The following DNAH8 variants were observed in gnomAD, a reference collection of about 807,000 sequenced individuals.
The protein encoded by DNAH8 is axonemal beta dynein heavy chain 8.
Under a neutral mutation model 562.1 loss-of-function variants are expected in DNAH8, and 382 were observed. The observed-to-expected ratio is 0.68, with a 90% CI of 0.63 to 0.74. DNAH8 has a LOEUF of 0.74. Among genes scored for constraint, DNAH8 ranks in the 30% least tolerant of loss-of-function variants. The probability of loss-of-function intolerance (pLI) is 0.00; values close to 1 mark genes in which losing one functional copy is unlikely to be tolerated. For synonymous variants in DNAH8, 1,881 were observed against 1,919.4 expected, an observed-to-expected ratio of 0.98 and a Z score of 0.52; for missense variants, 5,203 against 5,620.4, an observed-to-expected ratio of 0.93 and a Z score of 2.37.
Position 38,896,268 on chromosome 6 carries a change from C to A in DNAH8, c.8940+43C>A, listed in dbSNP as rs1245239696. On this transcript the variant is annotated intron_variant, in intron 60 of 92. Coordinates refer to ENST00000327475, the MANE Select transcript of DNAH8 (RefSeq NM_001206927.2). Reference sequence around the variant, plus strand: ...TTAAAAGAGGTTTTCAGATTGCTCACCTGACTAGATCTTTCTCTCTGCACC... The same window carrying A: ...TTAAAAGAGGTTTTCAGATTGCTCAACTGACTAGATCTTTCTCTCTGCACC... The A allele has an allele frequency of 3.4e-6, 5 of 1,490,680 alleles. No homozygotes were observed. The African/African-American group carries it at 6.9e-5, about 21-fold the overall frequency. The allele number at this position is 1,490,680 out of a possible 1,614,324, so 92.3% of individuals were successfully genotyped here.
At chr6:38,818,667 G>A (rs915406461) in intron 26 of DNAH8, among the ~76,000 whole-genome samples, 2 of 152,158 alleles carry the variant, frequency 1.3e-5, no homozygotes, top group Non-Finnish European at 2.9e-5. Flanking sequence ...AGCATAGAGG[G>A]CAACCAGTGT....
chr6:38,896,062 T>C lies in DNAH8; in HGVS notation c.8777T>C (p.Phe2926Ser). The C allele has an allele frequency of 6.2e-7, 1 of 1,613,824 alleles. No homozygotes were observed. ...RFITPEDEQW[F>S]NAHLTRAVEE... ...ATAACTCCTGAAGATGAGCAGTGGTTTAATGCACATCTTACTCGTGCAGTT... is the reference window on the plus strand; with the variant it reads ...ATAACTCCTGAAGATGAGCAGTGGTCTAATGCACATCTTACTCGTGCAGTT... Residue 2926 changes from phenylalanine to serine, a missense_variant, in exon 60 of 93, where the codon TTT becomes TCT. Phe to Ser is a radical substitution (Grantham distance 155). This residue lies in a region of DNAH8 where 977 missense variants were observed against 1,061.8 expected (regional missense o/e 0.92). Coordinates refer to ENST00000327475, the MANE Select transcript of DNAH8 (RefSeq NM_001206927.2).
chr6:38,849,945 T>C (rs540983705), intron 37 of DNAH8, among the ~76,000 whole-genome samples: 1 of 152,270 alleles, frequency 6.6e-6, no homozygotes, highest in Non-Finnish European at 1.5e-5. Flanking sequence ...AAACACTAGA[T>C]TGGAACTTTA....
At chr6:39,029,247 A>ACTT (rs1224507166) in intron 92 of DNAH8, among the ~76,000 whole-genome samples, 2 of 151,934 alleles carry the variant, frequency 1.3e-5, no homozygotes, top group African/African-American at 4.8e-5. Flanking sequence ...TTGTAGTGTT[A>ACTT]CTTCTGCCTG....
At chr6:38,917,825 A>T (rs1479805676) in intron 69 of DNAH8, 100 bp from the exon 70 acceptor site, 3 of 874,854 alleles carry the variant, frequency 3.4e-6, no homozygotes, top group East Asian at 2.6e-5. Flanking sequence ...AGAGCAAATC[A>T]TCTATTACTT....
At chr6:38,746,424 C>T (rs1764934801) in intron 8 of DNAH8, among the ~76,000 whole-genome samples, 1 of 152,138 alleles carries the variant, frequency 6.6e-6, no homozygotes, top group South Asian at 2.1e-4. Context: ...CTGGGATCAG[C>T]ACTTCTCCAA....
At chr6:38,767,483 T>G (rs1767133195) in intron 11 of DNAH8, among the ~76,000 whole-genome samples, 1 of 151,988 alleles carries the variant, frequency 6.6e-6, no homozygotes, top group Non-Finnish European at 1.5e-5. Flanking sequence ...TAGCCCCTAG[T>G]AACTTGTATT....
chr6:38,797,216 A>G (rs1459667381), intron 21 of DNAH8, among the ~76,000 whole-genome samples: 1 of 152,148 alleles, frequency 6.6e-6, no homozygotes, highest in Non-Finnish European at 1.5e-5. Context: ...CAACATGGCA[A>G]AGCCCCATCT....
At chr6:38,743,016 T>TGC (rs1764650210) in intron 8 of DNAH8, among the ~76,000 whole-genome samples, 3 of 130,544 alleles carry the variant, frequency 2.3e-5, no homozygotes, top group South Asian at 2.5e-4. Flanking sequence ...GCTTTTTTTT[T>TGC]TTTTTTTTTT....
chr6:38,844,677 T>C (rs1459350720), intron 35 of DNAH8, among the ~76,000 whole-genome samples: 7 of 152,344 alleles, frequency 4.6e-5, no homozygotes, highest in Admixed American at 3.3e-4. Context: ...GTCTTGGTAC[T>C]GTCTACCCCA....
At chr6:38,984,386 C>A (rs1764231951) in intron 87 of DNAH8, 79 bp downstream of exon 87, 2 of 834,512 alleles carry the variant, frequency 2.4e-6, no homozygotes, top group East Asian at 2.6e-5. Context: ...ATAGGTCTGC[C>A]AAACTCAAGC....
intron 4 of DNAH8, 30 bp downstream of exon 4, chr6:38,730,016 T>A: frequency 9.4e-7 from 1 of 1,061,586 alleles, no homozygotes; most frequent in Non-Finnish European, 1.5e-6. Context: ...AGTGTGCCAG[T>A]AATTAGTTCA....
At chr6:39,008,769 A>G in intron 88 of DNAH8, 45 bp from the exon 89 acceptor site, 1 of 1,230,306 alleles carries the variant, frequency 8.1e-7, no homozygotes, top group Non-Finnish European at 1.1e-6. Context: ...CTTATCTCTT[A>G]CATGTTTCCC....
chr6:38,775,355 G>A (rs1767962299), intron 12 of DNAH8, among the ~76,000 whole-genome samples: 1 of 152,176 alleles, frequency 6.6e-6, no homozygotes, highest in African/African-American at 2.4e-5. Flanking sequence ...ATGTGCTAAT[G>A]TTAATTGTCA....
At chr6:38,862,527 A>T (rs1219242924) in intron 44 of DNAH8, 69 bp downstream of exon 44, 1 of 1,508,798 alleles carries the variant, frequency 6.6e-7, no homozygotes, top group African/African-American at 1.4e-5. Context: ...TTATTTTCTG[A>T]TATAAATCCA....
chr6:38,734,006 A>G (rs1355878858), intron 4 of DNAH8, among the ~76,000 whole-genome samples: 2 of 146,972 alleles, frequency 1.4e-5, no homozygotes, highest in Non-Finnish European at 1.5e-5. Flanking sequence ...ATTATTGGCC[A>G]GGCATGGTGG....
chr6:38,724,216 C>T (rs1466919217), intron 3 of DNAH8, among the ~76,000 whole-genome samples: 2 of 151,980 alleles, frequency 1.3e-5, no homozygotes, highest in Non-Finnish European at 2.9e-5. Flanking sequence ...CTCTTGACCT[C>T]GTGATCTGCC....
rs1319200347 is a variant in DNAH8, at chr6:38,756,000, T to C, written c.1436T>C (p.Leu479Ser). The part of the protein sequence containing the change: ...LVSMAHGIQN[L>S]INAIRMIHGV... ...TCCATGGCACATGGAATACAAAATTTGATTAATGCCATCAGAATGATTCAC... is the reference window on the plus strand; with the variant it reads ...TCCATGGCACATGGAATACAAAATTCGATTAATGCCATCAGAATGATTCAC... The change falls in exon 10 of 93, where the codon TTG (leucine) becomes TCG (serine). Residue 479 changes from leucine (L) to serine (S), a missense_variant. This residue lies in a region of DNAH8 where 2,176 missense variants were observed against 2,365.1 expected (regional missense o/e 0.92). Transcript: ENST00000327475. The C allele has an allele frequency of 6.2e-7, 1 of 1,609,742 alleles. No individual in the cohort carries two copies. The highest frequency in any genetic ancestry group is 1.7e-5 in the Admixed American group (1 of 59,932).
At chr6:38,775,055 G>C (rs1459837275) in intron 12 of DNAH8, among the ~76,000 whole-genome samples, 1 of 152,200 alleles carries the variant, frequency 6.6e-6, no homozygotes, top group Non-Finnish European at 1.5e-5. Flanking sequence ...AAGATTCTCT[G>C]AAAATAGGTT....
Sources: allele counts gnomAD v4.1 joint callset (sites outside exome capture counted in the v4.1 genomes callset), GRCh38; gene constraint gnomAD v4.1.1; regional missense constraint gnomAD v4.1.1; transcripts MANE v1.5; gene names NCBI Gene and HGNC (gene_info 2026-07-23, HGNC 2026-07-21).